Variants in PKHD1 observed in about 807,000 individuals in gnomAD.
PKHD1 encodes the protein fibrocystin.
A neutral mutation model predicts 412.0 loss-of-function variants in PKHD1; 291 were observed. The ratio of observed to expected loss-of-function variants is 0.71; its 90% CI spans 0.64 to 0.78. The LOEUF (loss-of-function observed/expected upper bound fraction) is 0.78. PKHD1 is among the 30% of genes least tolerant of loss of function. The pLI is 0.00. For missense variants in PKHD1, 4,825 were observed against 4,950.7 expected (o/e 0.97, Z 0.76); for synonymous variants, 1,777 against 1,821.5 (o/e 0.98, Z 0.62).
intron 6 of PKHD1, among the ~76,000 whole-genome samples, chr6:52,074,951 C>T (rs1038397796): frequency 3.9e-5 from 6 of 152,202 alleles, no homozygotes; most frequent in African/African-American, 1.2e-4. Flanking sequence ...AAGAAATGGG[C>T]TTGGCAGATC....
intron 5 of PKHD1, among the ~76,000 whole-genome samples, chr6:52,076,742 G>T (rs755925353): frequency 3.9e-5 from 6 of 152,098 alleles, no homozygotes; most frequent in Admixed American, 1.3e-4. Context: ...TGAAGATTTT[G>T]ATTTTTCTAG....
At chr6:51,966,438 C>T (rs565832844) in intron 35 of PKHD1, among the ~76,000 whole-genome samples, 1 of 152,226 alleles carries the variant, frequency 6.6e-6, no homozygotes, top group Non-Finnish European at 1.5e-5. Context: ...GAACGGAAGG[C>T]AGGTTTGCCC....
At chr6:51,807,454 A>ATATATAT (rs1452565645) in intron 52 of PKHD1, among the ~76,000 whole-genome samples, 5 of 48,876 alleles carry the variant, frequency 1.0e-4, no homozygotes, top group African/African-American at 3.4e-4. Flanking sequence ...AAAAAAAAAA[A>ATATATAT]AAAAATATAT....
intron 63 of PKHD1, 135 bp downstream of exon 63, chr6:51,647,896 A>T: frequency 2.9e-6 from 2 of 689,196 alleles, no homozygotes; most frequent in Non-Finnish European, 5.3e-6. Context: ...TAGATTAGGG[A>T]TGAAGGAGTT....
At position 52,056,816 on chromosome 6, in the gene PKHD1, A is replaced by G. The variant is rs73435705; in HGVS notation, c.1603-28T>C. 1.5e-3 allele frequency: 2,435 copies of G among 1,595,814 alleles called. 32 individuals carry two copies. In the African/African-American group the frequency reaches 0.028, roughly 18 times the overall value. ...ATTACAAAGGAAAAAAATGCCAGGA[A>G]TTTATATCATGAGCATAAAGACCAC... On this transcript the variant is annotated intron_variant, in intron 17 of 66. Transcript: ENST00000371117.
At chr6:51,683,743 A>G (rs1777030996) in intron 60 of PKHD1, among the ~76,000 whole-genome samples, 4 of 152,072 alleles carry the variant, frequency 2.6e-5, no homozygotes, top group Admixed American at 2.6e-4. Context: ...TAGCTCTTCC[A>G]TTGTATAGTT....
intron 60 of PKHD1, among the ~76,000 whole-genome samples, chr6:51,660,440 C>T (rs1195916740): frequency 6.6e-6 from 1 of 152,034 alleles, no homozygotes; most frequent in Non-Finnish European, 1.5e-5. Flanking sequence ...TAACCAAATT[C>T]TGATACTAAA....
chr6:51,820,374 T>C (rs1159102021), intron 52 of PKHD1, among the ~76,000 whole-genome samples: 2 of 152,202 alleles, frequency 1.3e-5, no homozygotes, highest in Admixed American at 1.3e-4. Flanking sequence ...TATGTCCCTA[T>C]AGAAGGAGCA....
At chr6:51,839,835 G>T (rs1014856528) in intron 50 of PKHD1, among the ~76,000 whole-genome samples, 1 of 151,406 alleles carries the variant, frequency 6.6e-6, no homozygotes, top group African/African-American at 2.4e-5. Context: ...TCTCACTCAG[G>T]CCACATTTAT....
intron 35 of PKHD1, among the ~76,000 whole-genome samples, chr6:51,974,738 T>C (rs1043357702): frequency 4.6e-5 from 7 of 152,154 alleles, no homozygotes; most frequent in South Asian, 4.1e-4. Context: ...TAAAAGACTA[T>C]ACACATTGGG....
At chr6:51,635,876 C>CGGGGGGGGGGTGGGGGGG (rs1581768607) in intron 64 of PKHD1, among the ~76,000 whole-genome samples, 1 of 41,506 alleles carries the variant, frequency 2.4e-5, no homozygotes, top group Non-Finnish European at 5.3e-5. Context: ...GGCGGGGGGC[C>CGGGGGGGGGGTGGGGGGG]GGGGGCGGAT....
At chr6:51,890,982 G>T (rs755377095) in intron 43 of PKHD1, among the ~76,000 whole-genome samples, 1 of 152,144 alleles carries the variant, frequency 6.6e-6, no homozygotes, top group Non-Finnish European at 1.5e-5. Context: ...TAGGGCTATG[G>T]ACTGAATGCA....
intron 36 of PKHD1, among the ~76,000 whole-genome samples, chr6:51,949,633 C>T (rs184749472): frequency 3.3e-4 from 50 of 152,226 alleles, no homozygotes; most frequent in African/African-American, 1.0e-3. Flanking sequence ...GCCAGAGAGG[C>T]GGAAAATCAA....
chr6:51,749,875 G>A (rs1192345610), intron 57 of PKHD1, among the ~76,000 whole-genome samples: 2 of 152,124 alleles, frequency 1.3e-5, no homozygotes, highest in African/African-American at 4.8e-5. Flanking sequence ...TCCTTTGCTA[G>A]GTAGGTCACA....
At chr6:51,870,665 A>G (rs1315287041) in intron 46 of PKHD1, 26 bp from the exon 47 acceptor site, 1 of 1,584,728 alleles carries the variant, frequency 6.3e-7, no homozygotes, top group Admixed American at 1.7e-5. Context: ...AAAAAAGATG[A>G]AAGCAAAATA....
At chr6:51,800,031 T>A (rs941807789) in intron 52 of PKHD1, among the ~76,000 whole-genome samples, 2 of 152,152 alleles carry the variant, frequency 1.3e-5, no homozygotes, top group Non-Finnish European at 2.9e-5. Flanking sequence ...GGAATTTCTG[T>A]TGCTCAATGG....
rs1160267069 is a variant in PKHD1 at position 51,781,725 on chromosome 6, G to C, written c.8441-5804C>G. 5.3e-5 allele frequency among the ~76,000 whole-genome samples: 8 copies of C among 152,042 alleles called. No homozygotes were observed. The East Asian group carries it at 9.7e-4, about 18-fold the overall frequency. On this transcript the variant is annotated intron_variant, in intron 53 of 66. Transcript: ENST00000371117. The stretch of plus-strand genomic sequence containing the variant: ...ATTAATAATAGTAGTTAAAAAAACA[G>C]TAATAGTAACCATGGAGGTATCACA...
intron 65 of PKHD1, among the ~76,000 whole-genome samples, chr6:51,631,806 C>A (rs1346288179): frequency 6.6e-6 from 1 of 152,020 alleles, no homozygotes; most frequent in Non-Finnish European, 1.5e-5. Context: ...ATGGCATCCA[C>A]TTCTGGGAAA....
chr6:51,772,886 T>C (rs1582602781), intron 54 of PKHD1, 97 bp from the exon 55 acceptor site: 4 of 759,786 alleles, frequency 5.3e-6, no homozygotes, highest in South Asian at 2.8e-5. Context: ...GTGCAAAACA[T>C]GTGATATAGA....
Sources: allele counts gnomAD v4.1 joint callset (sites outside exome capture counted in the v4.1 genomes callset), GRCh38; gene constraint gnomAD v4.1.1; transcripts MANE v1.5; gene names NCBI Gene and HGNC (gene_info 2026-07-23, HGNC 2026-07-21).